ELAPOR2: variants seen among roughly 807,000 people sequenced by gnomAD.
ELAPOR2 encodes endosome-lysosome associated apoptosis and autophagy regulator family member 2, also known as endosome/lysosome-associated apoptosis and autophagy regulator family member 2.
In ELAPOR2, 89 loss-of-function variants were observed where a neutral mutation model predicts 120.7. That is an observed-to-expected ratio of 0.74 (90% CI 0.62 to 0.88). The LOEUF (loss-of-function observed/expected upper bound fraction) is 0.88. Among genes scored for constraint, ELAPOR2 ranks in the 40% least tolerant of loss-of-function variants. ELAPOR2 has a pLI of 0.00. For missense variants in ELAPOR2, 1,134 were observed against 1,251.6 expected (o/e 0.91, Z 1.42); for synonymous variants, 444 against 444.9 (o/e 1.00, Z 0.03).
chr7:86,879,190 C>A lies in ELAPOR2; in HGVS notation c.*1281G>T, dbSNP rs1198110321. The A allele has an allele frequency of 6.6e-6, 1 of 152,086 alleles. No homozygotes were observed. Among genetic ancestry groups the A allele is most frequent in the African/African-American group, 2.4e-5 (1 of 41,420 alleles). The allele number at this position is 152,086 out of a possible 1,614,324, so 9.4% of individuals were successfully genotyped here. A position where few individuals can be genotyped will look rare whatever the true frequency, so the allele number is the denominator to read the frequency against. On this transcript the variant is annotated 3_prime_UTR_variant, in exon 22 of 22. Transcript: ENST00000450689. ...AATGGCCAGGAAACCCCCCTCTTTC[C>A]CAGTTTTAAATCAATTAAGGTTTAC...
chr7:86,886,274 G>A (rs577829706), intron 21 of ELAPOR2, among the ~76,000 whole-genome samples: 1 of 152,210 alleles, frequency 6.6e-6, no homozygotes, highest in East Asian at 1.9e-4. Flanking sequence ...GTGTTGGACC[G>A]CATTTGAGTA....
Position 86,946,819 on chromosome 7 carries a change from C to T in ELAPOR2, c.506+908G>A, listed in dbSNP as rs115885836. Among the ~76,000 whole-genome samples, 748 of 152,258 alleles carry T rather than the reference C, an allele frequency of 4.9e-3. 6 individuals carry two copies. Among genetic ancestry groups the T allele is most frequent in the African/African-American group, 0.017 (723 of 41,536 alleles). ...AGCCTTGTCAGTATCTCCTGCCCAC[C>T]AAAACAAAGATCTGAGGTCCCACAA... is the stretch of plus-strand genomic sequence containing the variant. On this transcript the variant is annotated intron_variant, in intron 3 of 21. Transcript: ENST00000450689.
chr7:86,886,907 G>A (rs929677027), intron 21 of ELAPOR2, among the ~76,000 whole-genome samples: 2 of 152,210 alleles, frequency 1.3e-5, no homozygotes, highest in East Asian at 1.9e-4. Flanking sequence ...TCCACTGGCT[G>A]CTACAGATAT....
chr7:87,011,569 A>G (rs1793681103), intron 1 of ELAPOR2, among the ~76,000 whole-genome samples: 1 of 152,238 alleles, frequency 6.6e-6, no homozygotes, highest in Non-Finnish European at 1.5e-5. Context: ...GTGAGTTCAC[A>G]AAATTGCCAA....
At chr7:87,052,288 T>G (rs1795130867) in intron 1 of ELAPOR2, among the ~76,000 whole-genome samples, 1 of 152,180 alleles carries the variant, frequency 6.6e-6, no homozygotes, top group Non-Finnish European at 1.5e-5. Context: ...AAGGCACATC[T>G]CACATGGCGG....
At chr7:86,997,273 T>C (rs867221203) in intron 1 of ELAPOR2, among the ~76,000 whole-genome samples, 1 of 151,686 alleles carries the variant, frequency 6.6e-6, no homozygotes, top group Non-Finnish European at 1.5e-5. Context: ...ATGGCATTCA[T>C]ATACAAACTT....
chr7:86,882,331 C>T (rs1234312351), intron 21 of ELAPOR2, among the ~76,000 whole-genome samples: 1 of 152,094 alleles, frequency 6.6e-6, no homozygotes, highest in Admixed American at 6.6e-5. Context: ...CAGCCATAAA[C>T]TCAAAAGAAA....
chr7:86,929,700 GT>G (rs1181368004), intron 8 of ELAPOR2, among the ~76,000 whole-genome samples: 1 of 151,802 alleles, frequency 6.6e-6, no homozygotes, highest in African/African-American at 2.4e-5. Flanking sequence ...CCTCTGATAT[GT>G]TTTAGATTTC....
At chr7:86,934,873 AC>A (rs1422278423) in intron 8 of ELAPOR2, among the ~76,000 whole-genome samples, 1 of 151,752 alleles carries the variant, frequency 6.6e-6, no homozygotes, top group Non-Finnish European at 1.5e-5. Flanking sequence ...ACCAAATAGT[AC>A]CTCTACCAAC....
At chr7:87,018,208 T>A (rs774488132) in intron 1 of ELAPOR2, among the ~76,000 whole-genome samples, 8 of 151,948 alleles carry the variant, frequency 5.3e-5, no homozygotes, top group Non-Finnish European at 1.0e-4. Context: ...GCCCAGCTAA[T>A]TTTTGTATTT....
chr7:86,986,717 A>C (rs1390074021), intron 1 of ELAPOR2, among the ~76,000 whole-genome samples: 2 of 151,934 alleles, frequency 1.3e-5, no homozygotes, highest in Non-Finnish European at 2.9e-5. Context: ...AAATGAAAGA[A>C]CATTCCATGC....
intron 12 of ELAPOR2, among the ~76,000 whole-genome samples, chr7:86,916,533 G>C (rs933708830): frequency 6.6e-6 from 1 of 152,190 alleles, no homozygotes; most frequent in African/African-American, 2.4e-5. Context: ...AAGACGCCAT[G>C]TTACAGAATT....
intron 1 of ELAPOR2, chr7:86,965,949 T>C (rs1306734353): frequency 1.0e-6 from 1 of 985,228 alleles, no homozygotes; most frequent in Admixed American, 6.2e-5. Context: ...GAGAAGGCCA[T>C]TGTCTTTGAC....
intron 1 of ELAPOR2, among the ~76,000 whole-genome samples, chr7:87,024,205 G>A (rs185475705): frequency 0.016 from 2,473 of 152,086 alleles, 77 homozygotes; most frequent in African/African-American, 0.056. Flanking sequence ...TGAGTTTGTC[G>A]TAGATAGCTC....
intron 1 of ELAPOR2, among the ~76,000 whole-genome samples, chr7:86,983,361 G>A (rs1045931252): frequency 1.3e-5 from 2 of 152,108 alleles, no homozygotes; most frequent in African/African-American, 2.4e-5. Flanking sequence ...TCTTCGAGAA[G>A]AGCAACCCCA....
intron 2 of ELAPOR2, among the ~76,000 whole-genome samples, chr7:86,960,558 T>C (rs984939106): frequency 6.6e-6 from 1 of 152,144 alleles, no homozygotes; most frequent in African/African-American, 2.4e-5. Context: ...GCCTGCTGTT[T>C]CTTTACTGAT....
chr7:86,929,278 T>C (rs998745309), intron 8 of ELAPOR2, among the ~76,000 whole-genome samples: 1 of 151,982 alleles, frequency 6.6e-6, no homozygotes, highest in Non-Finnish European at 1.5e-5. Context: ...TTTATTTCAG[T>C]TGTCACTTCA....
At chr7:86,917,597 G>T (rs1467999409) in intron 12 of ELAPOR2, among the ~76,000 whole-genome samples, 2 of 152,126 alleles carry the variant, frequency 1.3e-5, no homozygotes, top group Non-Finnish European at 2.9e-5. Flanking sequence ...GAGAATTGAA[G>T]ACTTACGGGT....
intron 1 of ELAPOR2, 80 bp downstream of exon 1, chr7:87,059,245 A>G: frequency 1.6e-6 from 2 of 1,238,290 alleles, no homozygotes; most frequent in Non-Finnish European, 2.0e-6. Context: ...GCAAACAGAA[A>G]TAAACAGGAA....
Sources: gnomAD v4.1 joint callset for allele counts (sites outside exome capture counted in the v4.1 genomes callset) on GRCh38, gnomAD v4.1.1 for gene constraint, MANE v1.5 for transcripts, NCBI Gene and HGNC (gene_info 2026-07-23, HGNC 2026-07-21) for gene names.